ACACB: variants seen among roughly 807,000 people sequenced by gnomAD.
ACACB encodes acetyl-CoA carboxylase beta.
ACACB carries 209 observed loss-of-function variants against 278.8 expected under a neutral mutation model. The observed-to-expected ratio is 0.75, with a 90% confidence interval of 0.67 to 0.84. The LOEUF (loss-of-function observed/expected upper bound fraction) is 0.84, where lower values mean the gene tolerates loss of function less well. ACACB is among the 40% of genes least tolerant of loss of function. The pLI, the probability that ACACB is intolerant of heterozygous loss-of-function variation, is 0.00. For synonymous variants in ACACB, 1,174 were observed against 1,285.6 expected, an observed-to-expected ratio of 0.91 and a Z score of 1.86; for missense variants, 2,850 against 3,269.0, an observed-to-expected ratio of 0.87 and a Z score of 3.13.
intron 17 of ACACB, 137 bp downstream of exon 17, chr12:109,197,290 G>A: frequency 9.0e-7 from 1 of 1,110,250 alleles, no homozygotes; most frequent in Non-Finnish European, 1.2e-6. Context: ...CTGGGGGTGT[G>A]CAGAGAAGTT....
At chr12:109,173,450 G>T (rs1366603205) in intron 6 of ACACB, among the ~76,000 whole-genome samples, 1 of 152,108 alleles carries the variant, frequency 6.6e-6, no homozygotes, top group Non-Finnish European at 1.5e-5. Flanking sequence ...AGGTACAGCC[G>T]GGAGTCCCAT....
At chr12:109,259,579 A>C (rs1268408902) in intron 47 of ACACB, among the ~76,000 whole-genome samples, 1 of 133,578 alleles carries the variant, frequency 7.5e-6, no homozygotes, top group East Asian at 2.3e-4. Context: ...AAAAAACAAA[A>C]AAACAAAAAA....
chr12:109,118,147 G>T (rs1203922841), intron 1 of ACACB, among the ~76,000 whole-genome samples: 1 of 152,162 alleles, frequency 6.6e-6, no homozygotes, highest in Non-Finnish European at 1.5e-5. Context: ...TAAGTGGAAA[G>T]ACCCAGCCAA....
chr12:109,235,281 A>C (rs372900961), intron 31 of ACACB, 32 bp from the exon 32 acceptor site: 63 of 1,595,810 alleles, frequency 3.9e-5, no homozygotes, highest in Non-Finnish European at 5.1e-5. Context: ...CGGCCAAATA[A>C]TATTCCATTG....
chr12:109,175,021 C>T (rs952597679), intron 7 of ACACB, among the ~76,000 whole-genome samples: 1 of 152,056 alleles, frequency 6.6e-6, no homozygotes, highest in African/African-American at 2.4e-5. Context: ...CTTAACAGTC[C>T]TCATGGTTAA....
intron 1 of ACACB, among the ~76,000 whole-genome samples, chr12:109,126,506 G>A (rs1459419090): frequency 1.3e-5 from 2 of 152,036 alleles, no homozygotes; most frequent in Non-Finnish European, 2.9e-5. Context: ...AACACAGAAA[G>A]ACCCTATCTC....
chr12:109,174,062 G>A (rs2044203569), intron 6 of ACACB, 70 bp from the exon 7 acceptor site: 1 of 1,376,340 alleles, frequency 7.3e-7, no homozygotes, highest in Non-Finnish European at 1.0e-6. Flanking sequence ...CGTGCACTCG[G>A]TCGGCCTTCA....
In ACACB at chr12:109,258,367, G is replaced by A. The variant is rs1368102182; in HGVS notation, c.6360+3G>A. ...CCAACCTGGATTCTGAGGCCAAGGT[G>A]AGGGGGCCGGGAGCTGTGGCTGCTG... On this transcript the variant is annotated splice_donor_region_variant and intron_variant, in intron 46 of 52. Coordinates refer to ENST00000338432, the MANE Select transcript of ACACB (RefSeq NM_001093.4). 2 of 1,609,558 alleles carry A rather than the reference G, an allele frequency of 1.2e-6. No individual in the cohort carries two copies. The highest frequency in any genetic ancestry group is 2.7e-5 in the African/African-American group (2 of 74,976).
At chr12:109,223,720 C>A in intron 26 of ACACB, 95 bp from the exon 27 acceptor site, 3 of 1,153,950 alleles carry the variant, frequency 2.6e-6, no homozygotes, top group Non-Finnish European at 3.9e-6. Flanking sequence ...TATGATCACA[C>A]CACTGCACTC....
chr12:109,261,839 C>G (rs927817387), intron 48 of ACACB, among the ~76,000 whole-genome samples: 4 of 149,522 alleles, frequency 2.7e-5, no homozygotes, highest in African/African-American at 9.9e-5. Flanking sequence ...CCACTGCACT[C>G]CAGCCTGGGT....
intron 24 of ACACB, among the ~76,000 whole-genome samples, chr12:109,218,029 A>G (rs1337790346): frequency 1.3e-5 from 2 of 152,208 alleles, no homozygotes; most frequent in African/African-American, 4.8e-5. Context: ...CACTTGCCCA[A>G]GGGCACCCAG....
chr12:109,197,087 A>G lies in ACACB; in HGVS notation c.2561A>G (p.Asp854Gly). ...GAGATTGATGCCCACCGGCTGAATG[A>G]TGGGGGGCTCCTGCTCTCCTACAAT... ...HIEIDAHRLN[D>G]GGLLLSYNGN... Residue 854 changes from aspartate (D) to glycine (G), a missense_variant, in exon 17 of 53, where the codon GAT becomes GGT. Transcript: ENST00000338432. The G allele has an allele frequency of 6.2e-7, 1 of 1,600,948 alleles. No homozygotes were observed. The highest frequency in any genetic ancestry group is 8.5e-7 in the Non-Finnish European group (1 of 1,174,900).
At chr12:109,169,495 C>A (rs930179867) in intron 4 of ACACB, among the ~76,000 whole-genome samples, 5 of 152,156 alleles carry the variant, frequency 3.3e-5, no homozygotes, top group Non-Finnish European at 5.9e-5. Context: ...AATTGTCACC[C>A]AGGCCTATTA....
intron 24 of ACACB, among the ~76,000 whole-genome samples, chr12:109,221,562 C>A (rs2046160563): frequency 6.6e-6 from 1 of 152,176 alleles, no homozygotes; most frequent in South Asian, 2.1e-4. Context: ...GTCCCTCCCT[C>A]TCCTGCAAGA....
intron 34 of ACACB, among the ~76,000 whole-genome samples, chr12:109,239,148 A>G (rs2046722177): frequency 6.6e-6 from 1 of 151,768 alleles, no homozygotes; most frequent in South Asian, 2.1e-4. Context: ...AACTCCTGAC[A>G]ACTGATCCAC....
intron 19 of ACACB, among the ~76,000 whole-genome samples, chr12:109,204,248 C>A (rs1160748679): frequency 6.7e-6 from 1 of 150,220 alleles, no homozygotes; most frequent in Non-Finnish European, 1.5e-5. Context: ...TAGAGTCACC[C>A]TGTTGTGCTA....
At chr12:109,210,165 ATG>A (rs1301230419) in intron 21 of ACACB, among the ~76,000 whole-genome samples, 2 of 43,792 alleles carry the variant, frequency 4.6e-5, no homozygotes, top group Non-Finnish European at 9.0e-5. Flanking sequence ...ACGTGTGTAT[ATG>A]TATATATGTA....
chr12:109,198,133 A>T (rs551208962), intron 17 of ACACB, among the ~76,000 whole-genome samples: 1 of 152,204 alleles, frequency 6.6e-6, no homozygotes, highest in South Asian at 2.1e-4. Context: ...TCTGGACTCA[A>T]GCAGTTGGCC....
chr12:109,179,042 A>G (rs2136217765), intron 9 of ACACB, 46 bp from the exon 10 acceptor site: 1 of 1,572,886 alleles, frequency 6.4e-7, no homozygotes, highest in Non-Finnish European at 8.7e-7. Flanking sequence ...AAGCTTCCAG[A>G]GCTGGTTTCC....
Sources: gnomAD v4.1 joint callset for allele counts (sites outside exome capture counted in the v4.1 genomes callset) on GRCh38, gnomAD v4.1.1 for gene constraint, MANE v1.5 for transcripts, NCBI Gene and HGNC (gene_info 2026-07-23, HGNC 2026-07-21) for gene names.